The following TNFRSF8 variants were observed in gnomAD, a reference collection of about 807,000 sequenced individuals.
The protein encoded by TNFRSF8 is tumor necrosis factor receptor superfamily member 8.
A neutral mutation model predicts 70.8 loss-of-function variants in TNFRSF8; 26 were observed. That is an observed-to-expected ratio of 0.37 (90% CI 0.27 to 0.51). The LOEUF is 0.51. Ranked by LOEUF, TNFRSF8 falls within the 20% of genes least tolerant of loss-of-function variation. TNFRSF8 has a pLI of 0.94. For synonymous variants in TNFRSF8, 356 were observed against 339.2 expected, an observed-to-expected ratio of 1.05 and a Z score of -0.54; for missense variants, 720 against 807.9, an observed-to-expected ratio of 0.89 and a Z score of 1.32.
intron 12 of TNFRSF8, among the ~76,000 whole-genome samples, chr1:12,130,299 C>T (rs1379102745): frequency 1.3e-5 from 2 of 152,196 alleles, no homozygotes; most frequent in Admixed American, 1.3e-4. Flanking sequence ...CTCTTACCAT[C>T]ATTTTTTATT....
At chr1:12,117,084 T>G (rs1157887529) in intron 8 of TNFRSF8, among the ~76,000 whole-genome samples, 1 of 152,108 alleles carries the variant, frequency 6.6e-6, no homozygotes, top group Admixed American at 6.5e-5. Context: ...ATTGTCTTTT[T>G]TTTTCCTCTT....
At position 12,088,166 on chromosome 1, in the gene TNFRSF8, G is replaced by T. The variant is rs528277198; in HGVS notation, c.151+3615G>T. ...TCATCGAATCCCTCCTTGCACCCAG[G>T]CCTGTGATGCCCTCTCCAGCATTCC... is the stretch of plus-strand genomic sequence containing the variant. On this transcript the variant is annotated intron_variant, in intron 2 of 14. Coordinates refer to ENST00000263932, the MANE Select transcript of TNFRSF8 (RefSeq NM_001243.5). This position sits in a 1 kb window ranked among gnomAD's most constrained non-coding sequence, Gnocchi z 4.0. Among the ~76,000 whole-genome samples the T allele has an allele frequency of 6.6e-6, 1 of 152,126 alleles. No homozygotes were observed. The highest frequency in any genetic ancestry group is 2.1e-4 in the South Asian group (1 of 4,796).
intron 4 of TNFRSF8, among the ~76,000 whole-genome samples, chr1:12,107,213 G>C (rs1248094293): frequency 1.3e-5 from 2 of 152,128 alleles, no homozygotes; most frequent in Non-Finnish European, 2.9e-5. Flanking sequence ...TGGCCAATGT[G>C]GTGAAACCTC....
intron 1 of TNFRSF8, among the ~76,000 whole-genome samples, chr1:12,083,094 A>G (rs1020623695): frequency 1.3e-5 from 2 of 152,232 alleles, no homozygotes; most frequent in Non-Finnish European, 2.9e-5. Flanking sequence ...AATGCAAATA[A>G]AAACCACAAT....
intron 1 of TNFRSF8, among the ~76,000 whole-genome samples, chr1:12,073,792 CA>C (rs1305675201): frequency 6.6e-6 from 1 of 151,830 alleles, no homozygotes; most frequent in Non-Finnish European, 1.5e-5. Context: ...GATGGGGTTT[CA>C]CCATGTTGGC....
In TNFRSF8 at chr1:12,126,229, G is replaced by A. The variant is rs375347090; in HGVS notation, c.1302G>A (p.Glu434=). The stretch of plus-strand genomic sequence containing the variant: ...TCCAGACCTCCCAGCCCAAGCTAGA[G>A]CTTGTGGGTGAGTGTCCAGCCGTCC... ...YPVQTSQPKL[E]LVDSRPRRSS... The change falls in exon 12 of 15, where the codon GAG becomes GAA. Residue 434 remains glutamate (E), a synonymous_variant. Transcript: ENST00000263932. The A allele has an allele frequency of 3.1e-6, 5 of 1,614,060 alleles. No homozygotes were observed. The African/African-American group carries it at 5.3e-5, about 17-fold the overall frequency.
chr1:12,126,225 T>TG lies in TNFRSF8; in HGVS notation c.1298_1299insG (p.Glu434ArgfsTer69). The TG allele has an allele frequency of 6.2e-7, 1 of 1,614,102 alleles. No homozygotes were observed. Among genetic ancestry groups the TG allele is most frequent in the Non-Finnish European group, 8.5e-7 (1 of 1,180,018 alleles). On this transcript the variant is annotated frameshift_variant, in exon 12 of 15. Coordinates refer to ENST00000263932, the MANE Select transcript of TNFRSF8 (RefSeq NM_001243.5). LOFTEE classifies it high-confidence loss of function. ...CCGGTCCAGACCTCCCAGCCCAAGC[T>TG]AGAGCTTGTGGGTGAGTGTCCAGCC... is the stretch of plus-strand genomic sequence containing the variant.
rs1026748412 is a variant in TNFRSF8, at chr1:12,115,429, G to T, written c.794-148G>T. The T allele has an allele frequency of 3.0e-5, 26 of 870,986 alleles. No homozygotes were observed. In the African/African-American group the frequency reaches 3.2e-4, roughly 11 times the overall value. The allele number at this position is 870,986 out of a possible 1,614,324, so 54.0% of individuals were successfully genotyped here. ...CAGAATTATTTTGAGCATGCTGGGAGAGCTGCTCAACGGCATAGTCAGACG... is the reference window on the plus strand; with the variant it reads ...CAGAATTATTTTGAGCATGCTGGGATAGCTGCTCAACGGCATAGTCAGACG... On this transcript the variant is annotated intron_variant, in intron 7 of 14. Coordinates refer to ENST00000263932, the MANE Select transcript of TNFRSF8 (RefSeq NM_001243.5).
intron 8 of TNFRSF8, 142 bp downstream of exon 8, chr1:12,115,871 A>T: frequency 1.2e-6 from 1 of 827,608 alleles, no homozygotes; most frequent in African/African-American, 1.7e-5. Flanking sequence ...GGTTCTGGTT[A>T]TCCTTTGAGT....
Position 12,110,856 on chromosome 1 carries a change from C to T in TNFRSF8, c.676+652C>T, listed in dbSNP as rs1022023985. Among the ~76,000 whole-genome samples, 1 of 130,240 alleles carries T rather than the reference C, an allele frequency of 7.7e-6. No individual in the cohort carries two copies. The highest frequency in any genetic ancestry group is 3.1e-5 in the African/African-American group (1 of 32,614). The allele number at this position is 130,240 out of a possible 152,430, so 85.4% of individuals were successfully genotyped here. On this transcript the variant is annotated intron_variant, in intron 6 of 14. Transcript: ENST00000263932. The surrounding 1 kb of genome is among the most constrained non-coding windows in gnomAD (Gnocchi z 4.0). ...CAGGTGATCCGCCCACCTCGGCCTC[C>T]CAAAGTGCTGGGAGGATTACAGGCG... is the stretch of plus-strand genomic sequence containing the variant.
chr1:12,126,147 CCGCCACCCCCAG>C, intron 11 of TNFRSF8, 24 bp from the exon 12 acceptor site: 1 of 1,614,010 alleles, frequency 6.2e-7, no homozygotes. Flanking sequence ...CTCTCTGAGG[CCGCCACCCCCAG>C]CCTTCCTCCT....
intron 2 of TNFRSF8, among the ~76,000 whole-genome samples, chr1:12,092,816 T>C (rs1641268698): frequency 6.7e-6 from 1 of 148,888 alleles, no homozygotes; most frequent in Non-Finnish European, 1.5e-5. Context: ...CCTCTTTTTA[T>C]TTTTTTTGAG....
intron 1 of TNFRSF8, among the ~76,000 whole-genome samples, chr1:12,073,557 T>C (rs1449738755): frequency 1.3e-5 from 2 of 151,004 alleles, no homozygotes; most frequent in Non-Finnish European, 3.0e-5. Context: ...TCGTTTTCCC[T>C]TTCCCTTTCC....
chr1:12,071,755 G>T (rs781281826), intron 1 of TNFRSF8, among the ~76,000 whole-genome samples: 2 of 152,130 alleles, frequency 1.3e-5, no homozygotes, highest in East Asian at 1.9e-4. Context: ...GTACAGACAG[G>T]TTTCACCATG....
chr1:12,103,938 C>T (rs985708091), intron 3 of TNFRSF8, among the ~76,000 whole-genome samples: 4 of 152,176 alleles, frequency 2.6e-5, no homozygotes, highest in African/African-American at 4.8e-5. Flanking sequence ...TTTAGACAAA[C>T]GGATGATGAC....
chr1:12,144,142 T>G lies in TNFRSF8; in HGVS notation c.*1611T>G, dbSNP rs1642315028. ...GTTTCAACAAAATAATGCACTTCCT[T>G]ACCTAGTGGCCCTTCACACAACTTT... is the stretch of plus-strand genomic sequence containing the variant. On this transcript the variant is annotated 3_prime_UTR_variant, in exon 15 of 15. Coordinates refer to ENST00000263932, the MANE Select transcript of TNFRSF8 (RefSeq NM_001243.5). 1 of 152,254 alleles carries G rather than the reference T, an allele frequency of 6.6e-6. No homozygotes were observed. Among genetic ancestry groups the G allele is most frequent in the Non-Finnish European group, 1.5e-5 (1 of 68,044 alleles). 9.4% of individuals were successfully genotyped at this position (152,254 alleles called of 1,614,324 possible).
At position 12,128,921 on chromosome 1, in the gene TNFRSF8, G is replaced by A. The variant is rs961380566; in HGVS notation, c.1309+2685G>A. On this transcript the variant is annotated intron_variant, in intron 12 of 14. Coordinates refer to ENST00000263932, the MANE Select transcript of TNFRSF8 (RefSeq NM_001243.5). Reference sequence around the variant, plus strand: ...GCCATCTGGGTTCACTGCAACCTCCGCCTCACGGGTTCAAGTGATTCTCCT... The same window carrying A: ...GCCATCTGGGTTCACTGCAACCTCCACCTCACGGGTTCAAGTGATTCTCCT... Among the ~76,000 whole-genome samples, 6 of 136,780 alleles carry A rather than the reference G, an allele frequency of 4.4e-5. No homozygotes were observed. In the East Asian group the frequency reaches 9.2e-4, roughly 21 times the overall value. The allele number at this position is 136,780 out of a possible 152,430, so 89.7% of individuals were successfully genotyped here.
Position 12,115,580 on chromosome 1 carries a change from A to C in TNFRSF8, c.797A>C (p.Asp266Ala). ...GATCCTCATCTGTGTCCCTTAGATG[A>C]CCTTGTGGAGAAGACGCCATGTGCA... ...CTACVSCSRDDLVEKTPCAWN... is the reference protein window; with the variant it reads ...CTACVSCSRDALVEKTPCAWN... The change falls in exon 8 of 15, where the codon GAC becomes GCC. Residue 266 changes from aspartate (D) to alanine (A), a missense_variant. Physicochemically the swap from Asp to Ala is moderately radical, Grantham distance 126. Coordinates refer to ENST00000263932, the MANE Select transcript of TNFRSF8 (RefSeq NM_001243.5). 6.2e-7 allele frequency: 1 copy of C among 1,614,044 alleles called. No individual in the cohort carries two copies. Among genetic ancestry groups the C allele is most frequent in the Non-Finnish European group, 8.5e-7 (1 of 1,180,004 alleles).
In TNFRSF8 at chr1:12,135,570, T is replaced by C. The variant is rs753043688; in HGVS notation, c.1310-18T>C. On this transcript the variant is annotated intron_variant, in intron 12 of 14. Coordinates refer to ENST00000263932, the MANE Select transcript of TNFRSF8 (RefSeq NM_001243.5). ...CTGCCAGACTCCTTGGTGAAGTTGC[T>C]GCTCTTGCTTTTTGCAGATTCCAGA... 3 of 1,614,070 alleles carry C rather than the reference T, an allele frequency of 1.9e-6. No individual in the cohort carries two copies. The highest frequency in any genetic ancestry group is 2.5e-6 in the Non-Finnish European group (3 of 1,180,012).
Sources: allele counts gnomAD v4.1 joint callset (sites outside exome capture counted in the v4.1 genomes callset), GRCh38; gene constraint gnomAD v4.1.1; non-coding constraint Gnocchi (gnomAD v3.1); transcripts MANE v1.5; gene names NCBI Gene and HGNC (gene_info 2026-07-23, HGNC 2026-07-21).